The following PKN3 variants were observed in gnomAD, a reference collection of about 807,000 sequenced individuals.
PKN3 encodes the protein protein kinase N3.
In PKN3, 91 loss-of-function variants were observed where a neutral mutation model predicts 113.1. The observed-to-expected ratio is 0.80, with a 90% confidence interval of 0.68 to 0.96. The LOEUF (loss-of-function observed/expected upper bound fraction) is 0.96, where lower values mean the gene tolerates loss of function less well. PKN3 is among the 40% of genes least tolerant of loss of function. The pLI is 0.00. For synonymous variants in PKN3, 467 were observed against 499.0 expected (o/e 0.94, Z 0.85); for missense variants, 1,052 against 1,202.2 (o/e 0.88, Z 1.85).
intron 3 of PKN3, 37 bp from the exon 4 acceptor site, chr9:128,706,676 A>G: frequency 7.0e-7 from 1 of 1,434,430 alleles, no homozygotes. Flanking sequence ...GCTGTGGCCC[A>G]GGCCTGGTCT....
chr9:128,718,673 C>T (rs771014383), intron 18 of PKN3, 48 bp downstream of exon 18: 1 of 1,551,156 alleles, frequency 6.4e-7, no homozygotes, highest in African/African-American at 1.4e-5. Flanking sequence ...GTTTACCCAC[C>T]CTGGCCAATA....
chr9:128,712,991 C>A, intron 6 of PKN3, 61 bp from the exon 7 acceptor site: 2 of 1,530,938 alleles, frequency 1.3e-6, no homozygotes, highest in Non-Finnish European at 1.8e-6. Context: ...TCCCAGGACA[C>A]CTTGGTGGTA....
At chr9:128,708,149 G>A (rs964359167) in intron 6 of PKN3, among the ~76,000 whole-genome samples, 1 of 151,412 alleles carries the variant, frequency 6.6e-6, no homozygotes, top group South Asian at 2.1e-4. Flanking sequence ...GGAAGACTGA[G>A]GTGGGCGGAT....
chr9:128,720,732 G>C lies in PKN3; in HGVS notation c.*126G>C, dbSNP rs777305615. 2.5e-6 allele frequency: 2 copies of C among 797,454 alleles called. No homozygotes were observed. The highest frequency in any genetic ancestry group is 4.0e-6 in the Non-Finnish European group (2 of 501,476). The allele number at this position is 797,454 out of a possible 1,614,324, so 49.4% of individuals were successfully genotyped here. ...CTTCTGAGCCCTTGGGATTCAAAGT[G>C]GCAGCCATGGGGCCACTGTTGTGGG... On this transcript the variant is annotated 3_prime_UTR_variant, in exon 22 of 22. Transcript: ENST00000291906. The surrounding 1 kb of genome is among the most constrained non-coding windows in gnomAD (Gnocchi z 5.5).
intron 6 of PKN3, among the ~76,000 whole-genome samples, chr9:128,712,815 C>G (rs1052706205): frequency 2.0e-5 from 3 of 152,098 alleles, no homozygotes; most frequent in African/African-American, 7.2e-5. Flanking sequence ...TCCAAGGGTA[C>G]CCTTTGGGGG....
rs976178792 is a variant in PKN3, at chr9:128,713,508, C to G, written c.1102C>G (p.Leu368Val). The change falls in exon 9 of 22, where the codon CTG (leucine) becomes GTG (valine). Residue 368 changes from leucine (L) to valine (V), a missense_variant. By Grantham distance (32) the Leu-to-Val change is conservative. Transcript: ENST00000291906. ...GGCCTCCCCAATACAGGCCCGTGAG[C>G]TGGAGATTGGGGTACACTGGCGGGA... ...FVIPLERARE[L>V]EIGVHWRDWR... The G allele has an allele frequency of 2.5e-6, 4 of 1,613,926 alleles. No individual in the cohort carries two copies. The highest frequency in any genetic ancestry group is 3.4e-6 in the Non-Finnish European group (4 of 1,180,004).
intron 1 of PKN3, chr9:128,703,350 G>A (rs1861911522): frequency 2.0e-6 from 2 of 984,386 alleles, no homozygotes; most frequent in Admixed American, 6.1e-5. Context: ...TGCGCGCAGC[G>A]GGGGGCGCAG....
Position 128,702,884 on chromosome 9 carries a change from A to G in PKN3, c.-32A>G. 6.8e-7 allele frequency: 1 copy of G among 1,472,456 alleles called. No individual in the cohort carries two copies. 91.2% of individuals were successfully genotyped at this position (1,472,456 alleles called of 1,614,324 possible). A position where few individuals can be genotyped will look rare whatever the true frequency, so the allele number is the denominator to read the frequency against. On this transcript the variant is annotated 5_prime_UTR_variant, in exon 1 of 22. Coordinates refer to ENST00000291906, the MANE Select transcript of PKN3 (RefSeq NM_013355.5). ...GCGGCTTCCGGGACCGGAGTGGCTG[A>G]GAGAAGGGCCCCAAGCGGCCGGAGC... is the stretch of plus-strand genomic sequence containing the variant.
At position 128,719,911 on chromosome 9, in the gene PKN3, G is replaced by A; in HGVS notation, c.2270G>A (p.Cys757Tyr). The A allele has an allele frequency of 1.2e-6, 2 of 1,613,918 alleles. No individual in the cohort carries two copies. Among genetic ancestry groups the A allele is most frequent in the Non-Finnish European group, 8.5e-7 (1 of 1,179,834 alleles). ...CCTGCTGAGCCCCCATCTCCACAGT[G>A]CCCGTTCCCAGGGGACACAGAGGAA... ...VLLYEMLVGE[C>Y]PFPGDTEEEV... The change falls in exon 20 of 22, where the codon TGC (cysteine) becomes TAC (tyrosine). Residue 757 changes from cysteine to tyrosine, a missense_variant and splice_region_variant. By Grantham distance (194) the Cys-to-Tyr change is radical. Transcript: ENST00000291906.
chr9:128,719,691 G>A lies in PKN3; in HGVS notation c.2131G>A (p.Gly711Ser), dbSNP rs1186132951. 1.9e-6 allele frequency: 3 copies of A among 1,546,136 alleles called. No individual in the cohort carries two copies. Among genetic ancestry groups the A allele is most frequent in the Non-Finnish European group, 1.7e-6 (2 of 1,146,326 alleles). Residue 711 changes from glycine (G) to serine (S), a missense_variant, in exon 19 of 22, where the codon GGC (glycine) becomes AGC (serine). Gly to Ser is a moderately conservative substitution (Grantham distance 56, BLOSUM62 0). Transcript: ENST00000291906. Reference protein sequence around the residue: ...ADFGLCKEGIGFGDRTSTFCG... With the variant: ...ADFGLCKEGISFGDRTSTFCG... ...GTGTGCCTGTTGGTTTGCAGGGATC[G>A]GCTTCGGGGACCGGACTAGCACCTT... is the stretch of plus-strand genomic sequence containing the variant.
At chr9:128,711,006 C>A (rs1174941322) in intron 6 of PKN3, among the ~76,000 whole-genome samples, 2 of 151,096 alleles carry the variant, frequency 1.3e-5, no homozygotes, top group Non-Finnish European at 1.5e-5. Flanking sequence ...GAGTTTTGCT[C>A]TTATTGCCCA....
intron 1 of PKN3, among the ~76,000 whole-genome samples, 177 bp from the exon 2 acceptor site, chr9:128,705,126 G>A (rs1048232955): frequency 4.6e-5 from 7 of 152,118 alleles, no homozygotes; most frequent in African/African-American, 1.2e-4. Flanking sequence ...GAGTGGCCTC[G>A]GAGTTTCCAT....
chr9:128,703,666 G>T (rs1861921234), intron 1 of PKN3: 1 of 985,334 alleles, frequency 1.0e-6, no homozygotes, highest in African/African-American at 1.7e-5. Context: ...CGGAAAGGAG[G>T]TGGTGTGTGT....
rs576905420 is a variant in PKN3, at chr9:128,717,676, C to T, written c.1986-649C>T. ...CCAGGAGGCGGAGGTTGGAGTGAGC[C>T]GAGATCCCGCCACTTCGGTCTGGCG... On this transcript the variant is annotated intron_variant, in intron 16 of 21. Coordinates refer to ENST00000291906, the MANE Select transcript of PKN3 (RefSeq NM_013355.5). Among the ~76,000 whole-genome samples, 5 of 146,358 alleles carry T rather than the reference C, an allele frequency of 3.4e-5. No individual in the cohort carries two copies. In the South Asian group the frequency reaches 8.6e-4, roughly 25 times the overall value.
Position 128,715,015 on chromosome 9 carries a change from C to T in PKN3, c.1652+150C>T. Reference sequence around the variant, plus strand: ...TTACTAAACCCACATTATTGAGCTCCAGCTCTATGCCGGCTTCTAGGAGTC... The same window carrying T: ...TTACTAAACCCACATTATTGAGCTCTAGCTCTATGCCGGCTTCTAGGAGTC... On this transcript the variant is annotated intron_variant, in intron 13 of 21. Coordinates refer to ENST00000291906, the MANE Select transcript of PKN3 (RefSeq NM_013355.5). The surrounding 1 kb of genome is among the most constrained non-coding windows in gnomAD (Gnocchi z 4.1). 6 of 1,072,172 alleles carry T rather than the reference C, an allele frequency of 5.6e-6. No individual in the cohort carries two copies. Among genetic ancestry groups the T allele is most frequent in the South Asian group, 1.3e-5 (1 of 75,242 alleles). 66.4% of individuals were successfully genotyped at this position (1,072,172 alleles called of 1,614,324 possible). A position where few individuals can be genotyped will look rare whatever the true frequency, so the allele number is the denominator to read the frequency against.
intron 15 of PKN3, among the ~76,000 whole-genome samples, chr9:128,716,297 C>A (rs1269845618): frequency 2.8e-4 from 28 of 98,594 alleles, no homozygotes; most frequent in African/African-American, 8.6e-4. Context: ...GACCCTGTCT[C>A]AAAAAAAAAA....
At chr9:128,718,778 A>C (rs1318464217) in intron 18 of PKN3, among the ~76,000 whole-genome samples, 153 bp downstream of exon 18, 1 of 151,950 alleles carries the variant, frequency 6.6e-6, no homozygotes, top group Non-Finnish European at 1.5e-5. Flanking sequence ...ACAGCTGGGC[A>C]CACTGGCCCT....
At position 128,707,009 on chromosome 9, in the gene PKN3, A is replaced by G. The variant is rs1378604862; in HGVS notation, c.637A>G (p.Lys213Glu). The change falls in exon 5 of 22, where the codon AAG becomes GAG. Residue 213 changes from lysine to glutamate, a missense_variant. Around this residue, in one of 2 missense-constraint regions of PKN3, gnomAD observed 719 missense variants for 759.4 expected, o/e 0.95. Transcript: ENST00000291906. The part of the protein sequence containing the change: ...LLSSRRTQDR[K>E]ALAEAQAQLQ... ...TAGTAGCCGGAGAACACAGGACCGC[A>G]AGGCACTGGCTGAGGTCAGGCCCCA... 6.2e-7 allele frequency: 1 copy of G among 1,614,076 alleles called. No individual in the cohort carries two copies. The highest frequency in any genetic ancestry group is 1.7e-5 in the Admixed American group (1 of 60,024).
intron 7 of PKN3, 23 bp downstream of exon 7, chr9:128,713,221 G>C (rs374434216): frequency 1.9e-6 from 3 of 1,609,740 alleles, no homozygotes; most frequent in African/African-American, 1.3e-5. Context: ...GGAGCTTCAG[G>C]GGGAGCAGGA....
Sources: allele counts gnomAD v4.1 joint callset (sites outside exome capture counted in the v4.1 genomes callset), GRCh38; gene constraint gnomAD v4.1.1; regional missense constraint gnomAD v4.1.1; non-coding constraint Gnocchi (gnomAD v3.1); transcripts MANE v1.5; gene names NCBI Gene and HGNC (gene_info 2026-07-23, HGNC 2026-07-21).